NOTCH3: variants seen among roughly 807,000 people sequenced by gnomAD.
NOTCH3 encodes the protein notch receptor 3.
A neutral mutation model predicts 213.3 loss-of-function variants in NOTCH3; 86 were observed. The observed-to-expected ratio is 0.40, with a 90% confidence interval of 0.34 to 0.48. NOTCH3 has a LOEUF of 0.48. Among genes scored for constraint, NOTCH3 ranks in the 20% least tolerant of loss-of-function variants. The pLI is 0.57. For missense variants in NOTCH3, 2,783 were observed against 3,272.6 expected, an observed-to-expected ratio of 0.85 and a Z score of 3.65; for synonymous variants, 1,354 against 1,355.9, an observed-to-expected ratio of 1.00 and a Z score of 0.03.
In NOTCH3 at chr19:15,179,020, C is replaced by T. The variant is rs1568354708; in HGVS notation, c.3718+5G>A. On this transcript the variant is annotated splice_donor_5th_base_variant and intron_variant, in intron 22 of 32. Transcript: ENST00000263388. ...TCCCAGGCCAGCCCCTTCGCCAACG[C>T]TTACCTGAGAAGCCAGCATGACAAA... 7 of 1,614,230 alleles carry T rather than the reference C, an allele frequency of 4.3e-6. No homozygotes were observed. In the Admixed American group the frequency reaches 8.3e-5, roughly 19 times the overall value.
intron 25 of NOTCH3, 148 bp downstream of exon 25, chr19:15,173,920 A>T: frequency 1.5e-6 from 1 of 649,792 alleles, no homozygotes; most frequent in Non-Finnish European, 2.6e-6. Flanking sequence ...CTCCATCTGG[A>T]GGCATTTTTT....
chr19:15,193,772 A>G (rs2046948402), intron 2 of NOTCH3, among the ~76,000 whole-genome samples: 1 of 79,580 alleles, frequency 1.3e-5, no homozygotes, highest in Non-Finnish European at 3.1e-5. Context: ...CTCCATCTCA[A>G]AAAAAAACAA....
chr19:15,160,726 G>A lies in NOTCH3; in HGVS notation c.6902C>T (p.Ala2301Val), dbSNP rs752513590. ...GGGCCCCAGCTGGGTCTGGGCCTGAGCAAGGGAGCTGGGAACAGACAAGGG... is the reference window on the plus strand; with the variant it reads ...GGGCCCCAGCTGGGTCTGGGCCTGAACAAGGGAGCTGGGAACAGACAAGGG... ...PLPLSVPSSLAQAQTQLGPQP... is the reference protein window; with the variant it reads ...PLPLSVPSSLVQAQTQLGPQP... The change falls in exon 33 of 33, where the codon GCT (alanine) becomes GTT (valine). Residue 2301 changes from alanine to valine, a missense_variant. Transcript: ENST00000263388. 1 of 1,614,228 alleles carries A rather than the reference G, an allele frequency of 6.2e-7. No homozygotes were observed. Among genetic ancestry groups the A allele is most frequent in the Non-Finnish European group, 8.5e-7 (1 of 1,180,028 alleles).
intron 1 of NOTCH3, among the ~76,000 whole-genome samples, chr19:15,198,047 C>T (rs141845578): frequency 0.019 from 2,881 of 152,282 alleles, 41 homozygotes; most frequent in Non-Finnish European, 0.028. Flanking sequence ...GCCAGGCAGG[C>T]CTGCGTGGTG....
rs2046870096 is a variant in NOTCH3 at position 15,185,083 on chromosome 19, C to A, written c.2297-64G>T. 2 of 1,242,048 alleles carry A rather than the reference C, an allele frequency of 1.6e-6. No individual in the cohort carries two copies. 76.9% of individuals were successfully genotyped at this position (1,242,048 alleles called of 1,614,324 possible). A position where few individuals can be genotyped will look rare whatever the true frequency, so the allele number is the denominator to read the frequency against. ...GAGGGACTCCCTGATCCCATCTCCC[C>A]CCACCTCCCCCAACCCCAGGGTCCC... On this transcript the variant is annotated intron_variant, in intron 14 of 32. Coordinates refer to ENST00000263388, the MANE Select transcript of NOTCH3 (RefSeq NM_000435.3). This position sits in a 1 kb window ranked among gnomAD's most constrained non-coding sequence, Gnocchi z 4.2.
intron 19 of NOTCH3, 31 bp from the exon 20 acceptor site, chr19:15,180,287 G>C: frequency 6.2e-7 from 1 of 1,611,082 alleles, no homozygotes; most frequent in South Asian, 1.1e-5. Context: ...CAGGAACAGA[G>C]GTAACCCCAT....
At position 15,177,998 on chromosome 19, in the gene NOTCH3, C is replaced by T. The variant is rs1459394189; in HGVS notation, c.3930G>A (p.Gly1310=). Residue 1310 remains glycine (G), a synonymous_variant, in exon 24 of 33, where the codon GGG becomes GGA. Transcript: ENST00000263388. The stretch of plus-strand genomic sequence containing the variant: ...ACCCTGGGGGGCAGGCGCAGCGCGG[C>T]CCGCGGGGCGTCTGCTGGCATGGGA... ...VGVPCQQTPR[G]PRCACPPGLS... is the part of the protein sequence containing the mutation. The T allele has an allele frequency of 2.1e-6, 3 of 1,460,784 alleles. No individual in the cohort carries two copies. Among genetic ancestry groups the T allele is most frequent in the African/African-American group, 2.9e-5 (2 of 67,950 alleles). The allele number at this position is 1,460,784 out of a possible 1,614,324, so 90.5% of individuals were successfully genotyped here.
chr19:15,189,501 T>G, intron 6 of NOTCH3, 73 bp from the exon 7 acceptor site: 1 of 1,550,994 alleles, frequency 6.4e-7, no homozygotes, highest in Admixed American at 1.7e-5. Context: ...CCTTGAGTAT[T>G]GTTTTGTCGT....
At chr19:15,198,998 C>G (rs939825600) in intron 1 of NOTCH3, among the ~76,000 whole-genome samples, 1 of 152,142 alleles carries the variant, frequency 6.6e-6, no homozygotes, top group Non-Finnish European at 1.5e-5. Flanking sequence ...GAGCATGGGC[C>G]TACATAGTAT....
rs1422699723 is a variant in NOTCH3 at position 15,181,811 on chromosome 19, G to A, written c.2567-10C>T. The A allele has an allele frequency of 1.3e-6, 2 of 1,549,564 alleles. No individual in the cohort carries two copies. On this transcript the variant is annotated splice_polypyrimidine_tract_variant and intron_variant, in intron 16 of 32. Transcript: ENST00000263388. The stretch of plus-strand genomic sequence containing the variant: ...CCGTTCAGGCATGGGTCTGCGGACA[G>A]GAGGAAGGCGGTCTGGTCACCTACC...
intron 2 of NOTCH3, 51 bp downstream of exon 2, chr19:15,197,449 C>A: frequency 8.3e-6 from 7 of 847,630 alleles, no homozygotes; most frequent in South Asian, 2.8e-5. Context: ...TCGCCCCTCC[C>A]CCCCGCCCCC....
chr19:15,190,213 G>T (rs2046916919), intron 6 of NOTCH3, among the ~76,000 whole-genome samples: 1 of 152,192 alleles, frequency 6.6e-6, no homozygotes, highest in African/African-American at 2.4e-5. Flanking sequence ...AGTCGAGGCT[G>T]CAGTGAGCTG....
At position 15,179,300 on chromosome 19, in the gene NOTCH3, G is replaced by A. The variant is rs765016709; in HGVS notation, c.3461-18C>T. 11 of 1,611,174 alleles carry A rather than the reference G, an allele frequency of 6.8e-6. No individual in the cohort carries two copies. The highest frequency in any genetic ancestry group is 7.6e-6 in the Non-Finnish European group (9 of 1,178,046). On this transcript the variant is annotated intron_variant, in intron 21 of 32. Coordinates refer to ENST00000263388, the MANE Select transcript of NOTCH3 (RefSeq NM_000435.3). ...GAGCACCCCTGGGGGAAGAAACGAG[G>A]GGTGGTCAAGAGGGAATGAAGACAG... is the stretch of plus-strand genomic sequence containing the variant.
rs2046721463 is a variant in NOTCH3 at position 15,170,351 on chromosome 19, G to A, written c.5094C>T (p.Gly1698=). The A allele has an allele frequency of 6.2e-7, 1 of 1,613,446 alleles. No individual in the cohort carries two copies. Among genetic ancestry groups the A allele is most frequent in the Non-Finnish European group, 8.5e-7 (1 of 1,179,950 alleles). Reference sequence around the variant, plus strand: ...CTCACTTCATGCCCAGCGCGTCCTGGCCCACGGGTTCCCGCCGGCCCTTGT... The same window carrying A: ...CTCACTTCATGCCCAGCGCGTCCTGACCCACGGGTTCCCGCCGGCCCTTGT... The part of the protein sequence containing the change: ...SGHKGRREPV[G]QDALGMKNMA... The change falls in exon 27 of 33, where the codon GGC becomes GGT. Residue 1698 remains glycine (G), a synonymous_variant. Transcript: ENST00000263388.
In NOTCH3 at chr19:15,160,685, G is replaced by C; in HGVS notation, c.6943C>G (p.Pro2315Ala). ...TQLGPQPEVT[P>A]KRQVLA ...TCTCAGGCCAACACTTGCCTCTTGG[G>C]GGTAACTTCCGGCTGGGGCCCCAGC... is the stretch of plus-strand genomic sequence containing the variant. The change falls in exon 33 of 33, where the codon CCC (proline) becomes GCC (alanine). Residue 2315 changes from proline (P) to alanine (A), a missense_variant. This residue lies in a region of NOTCH3 where 441 missense variants were observed against 432.1 expected (regional missense o/e 1.02). Transcript: ENST00000263388. 1 of 1,614,156 alleles carries C rather than the reference G, an allele frequency of 6.2e-7. No homozygotes were observed. Among genetic ancestry groups the C allele is most frequent in the Non-Finnish European group, 8.5e-7 (1 of 1,179,976 alleles).
intron 31 of NOTCH3, among the ~76,000 whole-genome samples, chr19:15,163,962 TC>T (rs1599362796): frequency 6.6e-6 from 1 of 152,178 alleles, no homozygotes; most frequent in Non-Finnish European, 1.5e-5. Context: ...AGACCACGTA[TC>T]ATATGATTAC....
In NOTCH3 at chr19:15,180,843, C is replaced by T; in HGVS notation, c.2995-15G>A. ...TCCACCAGCGTCTGGAGGGGAAGCA[C>T]TCAGAGTCAGTACTGTGGGGTGGGG... On this transcript the variant is annotated splice_polypyrimidine_tract_variant and intron_variant, in intron 18 of 32. Coordinates refer to ENST00000263388, the MANE Select transcript of NOTCH3 (RefSeq NM_000435.3). 1 of 1,612,442 alleles carries T rather than the reference C, an allele frequency of 6.2e-7. No homozygotes were observed. The highest frequency in any genetic ancestry group is 8.5e-7 in the Non-Finnish European group (1 of 1,179,540).
Position 15,197,560 on chromosome 19 carries a change from C to T in NOTCH3, c.137G>A (p.Gly46Glu). The change falls in exon 2 of 33, where the codon GGA (glycine) becomes GAA (glutamate). Residue 46 changes from glycine to glutamate, a missense_variant. Transcript: ENST00000263388. The stretch of plus-strand genomic sequence containing the variant: ...ACGACCTCCATTTGCACACGGGCTT[C>T]CGTCCAGGCAAGGGGGGGCTGTGTG... ...PGAAAPPCLD[G>E]SPCANGGRCT... is the part of the protein sequence containing the mutation. The T allele has an allele frequency of 8.1e-6, 13 of 1,611,104 alleles. No individual in the cohort carries two copies. Among genetic ancestry groups the T allele is most frequent in the African/African-American group, 1.3e-5 (1 of 74,810 alleles).
chr19:15,192,765 C>G (rs561436241), intron 2 of NOTCH3, among the ~76,000 whole-genome samples: 6 of 152,048 alleles, frequency 3.9e-5, no homozygotes, highest in African/African-American at 1.4e-4. Context: ...AAGTACGAAA[C>G]TTTGCTGGGC....
Sources: gnomAD v4.1 joint callset for allele counts (sites outside exome capture counted in the v4.1 genomes callset) on GRCh38, gnomAD v4.1.1 for gene constraint, gnomAD v4.1.1 regional missense constraint, Gnocchi (gnomAD v3.1) non-coding constraint, MANE v1.5 for transcripts, NCBI Gene and HGNC (gene_info 2026-07-23, HGNC 2026-07-21) for gene names.